Variants in NEK11 observed in about 807,000 individuals in gnomAD.
The protein encoded by NEK11 is serine/threonine-protein kinase Nek11.
NEK11 carries 72 observed loss-of-function variants against 80.7 expected under a neutral mutation model. The ratio of observed to expected loss-of-function variants is 0.89; its 90% CI spans 0.74 to 1.08. NEK11 has a LOEUF of 1.08. NEK11 is among the 50% of genes least tolerant of loss of function. NEK11 has a pLI of 0.00. For missense variants in NEK11, 764 were observed against 763.6 expected (o/e 1.00, Z -0.01); for synonymous variants, 251 against 260.7 (o/e 0.96, Z 0.36).
At chr3:131,258,983 G>A (rs1245729142) in intron 16 of NEK11, among the ~76,000 whole-genome samples, 1 of 152,066 alleles carries the variant, frequency 6.6e-6, no homozygotes, top group South Asian at 2.1e-4. Flanking sequence ...TAGCAATAAT[G>A]TACCTTTATA....
chr3:131,121,316 G>A (rs762974694), intron 5 of NEK11, among the ~76,000 whole-genome samples: 2 of 152,350 alleles, frequency 1.3e-5, no homozygotes, highest in African/African-American at 2.4e-5. Flanking sequence ...TTGCAGAATG[G>A]CAAATGTTGC....
intron 4 of NEK11, among the ~76,000 whole-genome samples, chr3:131,102,986 T>G (rs1008412465): frequency 6.6e-6 from 1 of 152,224 alleles, no homozygotes; most frequent in Admixed American, 6.5e-5. Context: ...TATTATGAAA[T>G]TCTTGTAGTC....
At chr3:131,056,040 T>C (rs2069414650) in intron 3 of NEK11, among the ~76,000 whole-genome samples, 1 of 152,116 alleles carries the variant, frequency 6.6e-6, no homozygotes. Context: ...TTCTGGAGAG[T>C]TGGAACCATT....
At chr3:131,308,281 G>C (rs2096742192) in intron 17 of NEK11, among the ~76,000 whole-genome samples, 1 of 152,292 alleles carries the variant, frequency 6.6e-6, no homozygotes, top group Non-Finnish European at 1.5e-5. Context: ...TGCTGGGTTG[G>C]TTTGCCTATT....
chr3:131,196,233 G>A (rs1365177313), intron 14 of NEK11, among the ~76,000 whole-genome samples: 4 of 151,952 alleles, frequency 2.6e-5, no homozygotes, highest in African/African-American at 4.8e-5. Context: ...CTAAATATGA[G>A]TTTAGTATAT....
chr3:131,177,142 C>G (rs1457058561), intron 14 of NEK11, among the ~76,000 whole-genome samples: 1 of 152,110 alleles, frequency 6.6e-6, no homozygotes, highest in Non-Finnish European at 1.5e-5. Context: ...CAGTTGTGCT[C>G]CATACTTATG....
At chr3:131,175,253 T>C in intron 14 of NEK11, 2 of 368,228 alleles carry the variant, frequency 5.4e-6, no homozygotes, top group Non-Finnish European at 7.5e-6. Context: ...ATTCCACTTT[T>C]AGATAGTTAT....
At chr3:131,192,551 GAT>G (rs1164443292) in intron 14 of NEK11, among the ~76,000 whole-genome samples, 1 of 152,100 alleles carries the variant, frequency 6.6e-6, no homozygotes, top group Non-Finnish European at 1.5e-5. Flanking sequence ...TCCATTGATG[GAT>G]GAATGGATAA....
At chr3:131,243,788 T>A (rs1240754537) in intron 16 of NEK11, among the ~76,000 whole-genome samples, 1 of 152,100 alleles carries the variant, frequency 6.6e-6, no homozygotes, top group Non-Finnish European at 1.5e-5. Flanking sequence ...GTGCAGTTTC[T>A]GGAAAAAGGA....
chr3:131,080,540 A>C lies in NEK11; in HGVS notation c.288A>C (p.Ala96=). The C allele has an allele frequency of 4.3e-6, 7 of 1,613,944 alleles. No individual in the cohort carries two copies. Among genetic ancestry groups the C allele is most frequent in the Non-Finnish European group, 5.9e-6 (7 of 1,179,954 alleles). The change falls in exon 4 of 18, where the codon GCA becomes GCC. Residue 96 remains alanine, a synonymous_variant. Coordinates refer to ENST00000383366, the MANE Select transcript of NEK11 (RefSeq NM_024800.5). The stretch of plus-strand genomic sequence containing the variant: ...ACCCAGCCATTGTCAAGTTCCATGC[A>C]AGTTTTGTGGAGCAAGATAATTTCT... ...LDHPAIVKFH[A]SFVEQDNFCI...
At chr3:131,336,789 C>G in intron 17 of NEK11, among the ~76,000 whole-genome samples, 1 of 152,176 alleles carries the variant, frequency 6.6e-6, no homozygotes, top group East Asian at 1.9e-4. Context: ...ACAACCGCAT[C>G]AAAAAGTGGG....
intron 16 of NEK11, among the ~76,000 whole-genome samples, chr3:131,257,474 T>C (rs892676858): frequency 2.6e-5 from 4 of 152,196 alleles, no homozygotes; most frequent in African/African-American, 7.2e-5. Context: ...ATATTTACTA[T>C]ATTAATGAGC....
At chr3:131,273,766 G>C (rs775118532) in intron 17 of NEK11, among the ~76,000 whole-genome samples, 192 bp downstream of exon 17, 2 of 152,126 alleles carry the variant, frequency 1.3e-5, no homozygotes, top group Non-Finnish European at 2.9e-5. Context: ...CGAATAATTA[G>C]GGAAGTTTGG....
chr3:131,120,746 AC>A, intron 5 of NEK11, among the ~76,000 whole-genome samples: 1 of 152,116 alleles, frequency 6.6e-6, no homozygotes, highest in Middle Eastern at 3.4e-3. Context: ...AATTACTGGT[AC>A]CCTTTCGTCC....
intron 14 of NEK11, among the ~76,000 whole-genome samples, chr3:131,217,022 C>CT (rs1439878323): frequency 3.9e-5 from 6 of 152,074 alleles, no homozygotes; most frequent in African/African-American, 1.4e-4. Context: ...AGAGTGTGCC[C>CT]TTCCCTCTCT....
intron 3 of NEK11, among the ~76,000 whole-genome samples, chr3:131,047,448 CTTTT>C (rs1333879231): frequency 6.6e-6 from 1 of 152,208 alleles, no homozygotes. Context: ...TGTTTAGATT[CTTTT>C]GTCTCATGAG....
chr3:131,336,971 G>A (rs1582309203), intron 17 of NEK11, among the ~76,000 whole-genome samples: 1 of 152,192 alleles, frequency 6.6e-6, no homozygotes, highest in South Asian at 2.1e-4. Flanking sequence ...AACAACAGGT[G>A]CTGGAGAGGA....
intron 15 of NEK11, among the ~76,000 whole-genome samples, chr3:131,235,740 C>A (rs16836156): frequency 0.037 from 5,701 of 152,278 alleles, 203 homozygotes; most frequent in East Asian, 0.18. Context: ...CATCTCTCAC[C>A]ATTTACAAAT....
intron 17 of NEK11, among the ~76,000 whole-genome samples, chr3:131,288,855 T>A (rs1030945938): frequency 2.0e-5 from 3 of 152,226 alleles, no homozygotes; most frequent in African/African-American, 7.2e-5. Flanking sequence ...ATGTTTTGTA[T>A]AGTATAATAT....
Sources: gnomAD v4.1 joint callset for allele counts (sites outside exome capture counted in the v4.1 genomes callset) on GRCh38, gnomAD v4.1.1 for gene constraint, MANE v1.5 for transcripts, NCBI Gene and HGNC (gene_info 2026-07-23, HGNC 2026-07-21) for gene names.